The following ATRN variants were observed in gnomAD, a reference collection of about 807,000 sequenced individuals.
The protein encoded by ATRN is attractin-2.
A neutral mutation model predicts 178.7 loss-of-function variants in ATRN; 54 were observed. That is an observed-to-expected ratio of 0.30 (90% CI 0.24 to 0.38). The LOEUF is 0.38. Ranked by LOEUF, ATRN falls within the 10% of genes least tolerant of loss-of-function variation. The pLI, the probability that ATRN is intolerant of heterozygous loss-of-function variation, is 1.00. For missense variants in ATRN, 1,443 were observed against 1,815.1 expected, an observed-to-expected ratio of 0.79 and a Z score of 3.73; for synonymous variants, 636 against 663.0, an observed-to-expected ratio of 0.96 and a Z score of 0.63.
At chr20:3,477,967 T>C (rs990424027) in intron 1 of ATRN, among the ~76,000 whole-genome samples, 2 of 152,236 alleles carry the variant, frequency 1.3e-5, no homozygotes, top group Non-Finnish European at 2.9e-5. Flanking sequence ...ATAGTCTTTT[T>C]CTTTGTACTT....
At chr20:3,475,948 C>T (rs2084523378) in intron 1 of ATRN, among the ~76,000 whole-genome samples, 2 of 152,000 alleles carry the variant, frequency 1.3e-5, no homozygotes, top group Non-Finnish European at 2.9e-5. Context: ...AGTTTGAGAC[C>T]AACCTGGGCA....
chr20:3,565,392 G>A lies in ATRN; in HGVS notation c.1831G>A (p.Asp611Asn), dbSNP rs771910063. 8.1e-6 allele frequency: 13 copies of A among 1,613,990 alleles called. No individual in the cohort carries two copies. In the South Asian group the frequency reaches 1.3e-4, roughly 16 times the overall value. Residue 611 changes from aspartate to asparagine, a missense_variant, in exon 11 of 29, where the codon GAT becomes AAT. Around this residue, in one of 4 missense-constraint regions of ATRN, gnomAD observed 862 missense variants for 972.1 expected, o/e 0.89. Transcript: ENST00000262919. The stretch of plus-strand genomic sequence containing the variant: ...GCTTCCCAGACCTGATCTCCACCAT[G>A]ATGTCAACAGATTTGGCCATTCAGC... ...SVLPRPDLHH[D>N]VNRFGHSAVL...
chr20:3,596,568 A>G, intron 21 of ATRN, 139 bp downstream of exon 21: 1 of 798,424 alleles, frequency 1.3e-6, no homozygotes, highest in Non-Finnish European at 2.0e-6. Flanking sequence ...ATATGTTTAC[A>G]TTCTGTTAAG....
intron 25 of ATRN, among the ~76,000 whole-genome samples, chr20:3,631,322 A>G (rs1332269058): frequency 6.6e-6 from 1 of 152,198 alleles, no homozygotes; most frequent in African/African-American, 2.4e-5. Flanking sequence ...AAGCACTCTG[A>G]AGAATGGCTC....
At chr20:3,512,724 A>G (rs2085152954) in intron 1 of ATRN, among the ~76,000 whole-genome samples, 3 of 152,224 alleles carry the variant, frequency 2.0e-5, no homozygotes, top group African/African-American at 4.8e-5. Flanking sequence ...AGTCCCACCA[A>G]CAGTATAAAA....
In ATRN at chr20:3,576,912, T is replaced by C; in HGVS notation, c.2268T>C (p.Cys756=). ...CCAAGGATAACCCCATGTACTACTG[T>C]AACAAGAAGACCAGCTGCAGGAGCT... is the stretch of plus-strand genomic sequence containing the variant. The part of the protein sequence containing the change: ...NCPKDNPMYY[C]NKKTSCRSCA... Residue 756 remains cysteine (C), a synonymous_variant, in exon 14 of 29, where the codon TGT becomes TGC. Transcript: ENST00000262919. The C allele has an allele frequency of 6.2e-7, 1 of 1,614,136 alleles. No individual in the cohort carries two copies. The highest frequency in any genetic ancestry group is 8.5e-7 in the Non-Finnish European group (1 of 1,180,000).
chr20:3,508,627 C>T (rs149200596), intron 1 of ATRN, among the ~76,000 whole-genome samples: 4 of 152,222 alleles, frequency 2.6e-5, no homozygotes, highest in African/African-American at 9.6e-5. Context: ...CACCGGCAGC[C>T]TTACAGTAAA....
chr20:3,586,342 C>T lies in ATRN; in HGVS notation c.3184+1462C>T, dbSNP rs147122045. On this transcript the variant is annotated intron_variant, in intron 18 of 28. Coordinates refer to ENST00000262919, the MANE Select transcript of ATRN (RefSeq NM_139321.3). ...AAGAAGCCAGGTGCAAAAGATTATG[C>T]GTTGCATGATGCCATTTATATGAAA... Among the ~76,000 whole-genome samples, 1,363 of 152,136 alleles carry T rather than the reference C, an allele frequency of 9.0e-3. 17 individuals are homozygous for T. Among genetic ancestry groups the T allele is most frequent in the Middle Eastern group, 0.041 (12 of 294 alleles).
chr20:3,477,925 A>G (rs2084552337), intron 1 of ATRN, among the ~76,000 whole-genome samples: 1 of 152,192 alleles, frequency 6.6e-6, no homozygotes, highest in Non-Finnish European at 1.5e-5. Context: ...TGAATCATGT[A>G]TAACACCAAA....
In ATRN at chr20:3,471,216, A is replaced by G; in HGVS notation, c.109A>G (p.Arg37Gly). The stretch of plus-strand genomic sequence containing the variant: ...GCCGCACTGGGACTGGGACGTGACC[A>G]GGGCTGGGAGGCCGGGGCTGGGGGC... ...GGPHWDWDVT[R>G]AGRPGLGAGL... Residue 37 changes from arginine (R) to glycine (G), a missense_variant, in exon 1 of 29, where the codon AGG (arginine) becomes GGG (glycine). By Grantham distance (125) the Arg-to-Gly change is moderately radical. Transcript: ENST00000262919. The G allele has an allele frequency of 3.4e-6, 5 of 1,468,576 alleles. No individual in the cohort carries two copies. Among genetic ancestry groups the G allele is most frequent in the Non-Finnish European group, 4.5e-6 (5 of 1,118,830 alleles). The allele number at this position is 1,468,576 out of a possible 1,614,324, so 91.0% of individuals were successfully genotyped here.
intron 11 of ATRN, among the ~76,000 whole-genome samples, chr20:3,568,254 T>C (rs2086066332): frequency 6.7e-6 from 1 of 150,292 alleles, no homozygotes; most frequent in South Asian, 2.1e-4. Context: ...ATCGCGCCAC[T>C]GCACTCCAGC....
rs1021061351 is a variant in ATRN, at chr20:3,638,541, T to C, written c.3943-287T>C. On this transcript the variant is annotated intron_variant, in intron 26 of 28. Transcript: ENST00000262919. This position sits in a 1 kb window ranked among gnomAD's most constrained non-coding sequence, Gnocchi z 4.5. ...TTATCCAGTCTATCATTGATGGGCA[T>C]TTGGGTTGGTTCTAAGTCTTCGCTA... is the stretch of plus-strand genomic sequence containing the variant. Among the ~76,000 whole-genome samples, 8 of 152,344 alleles carry C rather than the reference T, an allele frequency of 5.3e-5. No individual in the cohort carries two copies. The highest frequency in any genetic ancestry group is 1.4e-4 in the African/African-American group (6 of 41,580).
At position 3,472,248 on chromosome 20, in the gene ATRN, G is replaced by A. The variant is rs559256119; in HGVS notation, c.410+731G>A. ...ATCAATAAATTAATTAGCAGTTATC[G>A]TTATTTGCTTCAGTTGTGCAATGAT... On this transcript the variant is annotated intron_variant, in intron 1 of 28. Transcript: ENST00000262919. Among the ~76,000 whole-genome samples, 306 of 152,294 alleles carry A rather than the reference G, an allele frequency of 2.0e-3. 1 individual carries two copies. The highest frequency in any genetic ancestry group is 7.1e-3 in the African/African-American group (294 of 41,554).
intron 1 of ATRN, among the ~76,000 whole-genome samples, chr20:3,501,697 AG>A (rs1363274228): frequency 6.6e-6 from 1 of 152,218 alleles, no homozygotes; most frequent in East Asian, 1.9e-4. Context: ...AGGTAAACTC[AG>A]GGGCGAGGGC....
chr20:3,646,332 C>G (rs1910775807), intron 28 of ATRN, among the ~76,000 whole-genome samples: 1 of 152,130 alleles, frequency 6.6e-6, no homozygotes, highest in African/African-American at 2.4e-5. Flanking sequence ...AAATTGGGCA[C>G]TTAGCACACG....
At chr20:3,504,700 A>AATAATG (rs1491329483) in intron 1 of ATRN, among the ~76,000 whole-genome samples, 1 of 85,600 alleles carries the variant, frequency 1.2e-5, no homozygotes, top group Non-Finnish European at 2.5e-5. Context: ...TAATAATAAT[A>AATAATG]ATAATAATAA....
chr20:3,527,494 A>G (rs1488989316), intron 1 of ATRN, among the ~76,000 whole-genome samples: 2 of 152,236 alleles, frequency 1.3e-5, no homozygotes, highest in Non-Finnish European at 2.9e-5. Context: ...AATAAGTTCA[A>G]TCATTGTGGA....
At position 3,572,853 on chromosome 20, in the gene ATRN, G is replaced by A. The variant is rs376936032; in HGVS notation, c.1994G>A (p.Arg665Gln). The change falls in exon 12 of 29, where the codon CGG becomes CAG. Residue 665 changes from arginine (R) to glutamine (Q), a missense_variant. Coordinates refer to ENST00000262919, the MANE Select transcript of ATRN (RefSeq NM_139321.3). ...AACLAAGPGIRCVWNTGSSQC... is the reference protein window; with the variant it reads ...AACLAAGPGIQCVWNTGSSQC... ...TGTTTAGCAGCAGGACCTGGTATTC[G>A]GTGTGTGTGGAACACAGGGTCGTCT... is the stretch of plus-strand genomic sequence containing the variant. 16 of 1,613,718 alleles carry A rather than the reference G, an allele frequency of 9.9e-6. No individual in the cohort carries two copies. The highest frequency in any genetic ancestry group is 9.4e-5 in the African/African-American group (7 of 74,806).
chr20:3,585,250 G>T (rs1326874565), intron 18 of ATRN, among the ~76,000 whole-genome samples: 1 of 152,188 alleles, frequency 6.6e-6, no homozygotes, highest in Non-Finnish European at 1.5e-5. Flanking sequence ...AGGGCTGTTT[G>T]TGAGGACTTT....
Sources: gnomAD v4.1 joint callset for allele counts (sites outside exome capture counted in the v4.1 genomes callset) on GRCh38, gnomAD v4.1.1 for gene constraint, gnomAD v4.1.1 regional missense constraint, Gnocchi (gnomAD v3.1) non-coding constraint, MANE v1.5 for transcripts, NCBI Gene and HGNC (gene_info 2026-07-23, HGNC 2026-07-21) for gene names.